The following SPMIP2 variants were observed in gnomAD, a reference collection of about 807,000 sequenced individuals.
SPMIP2 encodes the protein sperm microtubule inner protein 2, also known as protein SPMIP2.
the SPMIP2 span, among the ~76,000 whole-genome samples, chr4:159,008,172 T>C: frequency 2.0e-5 from 3 of 152,258 alleles, no homozygotes; most frequent in Non-Finnish European, 4.4e-5. Flanking sequence ...TGCCAGCCTC[T>C]TTCATATACA....
At chr4:159,025,626 G>GA in the SPMIP2 span, among the ~76,000 whole-genome samples, 207 of 150,402 alleles carry the variant, frequency 1.4e-3, 1 homozygote, top group Admixed American at 2.1e-3. Context: ...GGCTTATTAA[G>GA]AAAAAAAAAG....
chr4:158,900,458 T>C, the SPMIP2 span, among the ~76,000 whole-genome samples: 1 of 152,202 alleles, frequency 6.6e-6, no homozygotes, highest in African/African-American at 2.4e-5. Flanking sequence ...CCATTATTAT[T>C]GTGTGGGAGC....
chr4:158,986,288 A>C, the SPMIP2 span, among the ~76,000 whole-genome samples: 1 of 151,996 alleles, frequency 6.6e-6, no homozygotes, highest in South Asian at 2.1e-4. Context: ...AAACTACTTT[A>C]AAGTTCATAT....
chr4:158,994,194 T>G, the SPMIP2 span, among the ~76,000 whole-genome samples: 4 of 152,234 alleles, frequency 2.6e-5, no homozygotes, highest in African/African-American at 9.6e-5. Context: ...TAATTCTTAA[T>G]GGCCAGCACT....
the SPMIP2 span, among the ~76,000 whole-genome samples, chr4:158,922,343 C>T: frequency 6.6e-6 from 1 of 152,164 alleles, no homozygotes; most frequent in Admixed American, 6.5e-5. Context: ...TCTCACTCTG[C>T]TCTGGACCAC....
the SPMIP2 span, among the ~76,000 whole-genome samples, chr4:159,047,500 AT>A: frequency 0.021 from 3,135 of 151,968 alleles, 114 homozygotes; most frequent in African/African-American, 0.07. Flanking sequence ...GATTGATTAA[AT>A]TTTTTTTTAT....
the SPMIP2 span, among the ~76,000 whole-genome samples, chr4:159,010,540 T>C: frequency 6.6e-6 from 1 of 152,228 alleles, no homozygotes; most frequent in African/African-American, 2.4e-5. Flanking sequence ...GCTTCCCCAC[T>C]TCTTTCAGGC....
chr4:158,999,867 T>C, the SPMIP2 span, among the ~76,000 whole-genome samples: 1 of 152,338 alleles, frequency 6.6e-6, no homozygotes, highest in African/African-American at 2.4e-5. Flanking sequence ...CCCATCTCTG[T>C]AAATAAACAT....
the SPMIP2 span, among the ~76,000 whole-genome samples, chr4:159,008,876 G>A: frequency 6.6e-6 from 1 of 152,138 alleles, no homozygotes; most frequent in Non-Finnish European, 1.5e-5. Context: ...CTGTGGTTAT[G>A]TAGCCAGGAC....
chr4:158,914,436 A>G, the SPMIP2 span, among the ~76,000 whole-genome samples: 1 of 152,252 alleles, frequency 6.6e-6, no homozygotes, highest in African/African-American at 2.4e-5. Context: ...ATTCTCCAAA[A>G]GAGCAAGAAG....
At chr4:158,913,219 G>A in the SPMIP2 span, among the ~76,000 whole-genome samples, 2 of 152,152 alleles carry the variant, frequency 1.3e-5, no homozygotes, top group African/African-American at 2.4e-5. Context: ...TGTTGCTGTT[G>A]TTGTTGTTGT....
At chr4:159,026,995 C>A in the SPMIP2 span, among the ~76,000 whole-genome samples, 3 of 151,516 alleles carry the variant, frequency 2.0e-5, no homozygotes, top group African/African-American at 7.3e-5. Flanking sequence ...AAAGGGATAG[C>A]AGCAACTGAT....
At chr4:158,932,676 AAAAC>A in the SPMIP2 span, among the ~76,000 whole-genome samples, 1 of 152,174 alleles carries the variant, frequency 6.6e-6, no homozygotes, top group Non-Finnish European at 1.5e-5. Context: ...AGGTCAAACA[AAAAC>A]AAGCCCTGAG....
chr4:158,923,516 T>C, the SPMIP2 span, among the ~76,000 whole-genome samples: 1 of 149,328 alleles, frequency 6.7e-6, no homozygotes, highest in African/African-American at 2.5e-5. Flanking sequence ...AATTTCATTT[T>C]AGAGTATTCA....
At chr4:158,951,488 A>C in the SPMIP2 span, among the ~76,000 whole-genome samples, 8 of 152,212 alleles carry the variant, frequency 5.3e-5, no homozygotes, top group Non-Finnish European at 1.0e-4. Context: ...TTATGGGACC[A>C]CCTTTCTATA....
the SPMIP2 span, among the ~76,000 whole-genome samples, chr4:158,956,087 C>T: frequency 6.6e-6 from 1 of 152,232 alleles, no homozygotes; most frequent in African/African-American, 2.4e-5. Flanking sequence ...CAAAATTCTT[C>T]ACCGGCTGCT....
the SPMIP2 span, among the ~76,000 whole-genome samples, chr4:159,057,890 G>A: frequency 2.0e-5 from 3 of 152,072 alleles, no homozygotes; most frequent in African/African-American, 7.2e-5. Flanking sequence ...TTTGAGACAG[G>A]GGCTCACTCT....
At chr4:158,997,829 T>A in the SPMIP2 span, among the ~76,000 whole-genome samples, 4 of 152,050 alleles carry the variant, frequency 2.6e-5, no homozygotes, top group African/African-American at 9.7e-5. Context: ...ATTTTTAAAA[T>A]TTTTTTGGTA....
the SPMIP2 span, among the ~76,000 whole-genome samples, chr4:158,912,607 C>T: frequency 5.3e-5 from 8 of 152,292 alleles, no homozygotes; most frequent in East Asian, 1.5e-3. Context: ...GGAGGCTTTT[C>T]ACATGTGGTA....
Sources: allele counts gnomAD v4.1 joint callset (sites outside exome capture counted in the v4.1 genomes callset), GRCh38; gene constraint gnomAD v4.1.1; transcripts MANE v1.5; gene names NCBI Gene and HGNC (gene_info 2026-07-23, HGNC 2026-07-21).